TRPV2: variants seen among roughly 807,000 people sequenced by gnomAD.
The protein encoded by TRPV2 is OTRPC2.
TRPV2 carries 58 observed loss-of-function variants against 91.0 expected under a neutral mutation model. The observed-to-expected ratio is 0.64, with a 90% CI of 0.52 to 0.79. TRPV2 has a LOEUF of 0.79. Among genes scored for constraint, TRPV2 ranks in the 30% least tolerant of loss-of-function variants. The pLI, the probability that TRPV2 is intolerant of heterozygous loss-of-function variation, is 0.00. For missense variants in TRPV2, 807 were observed against 969.6 expected (o/e 0.83, Z 2.23); for synonymous variants, 417 against 414.8 (o/e 1.01, Z -0.06).
intron 7 of TRPV2, 118 bp from the exon 8 acceptor site, chr17:16,427,331 C>T (rs907922620): frequency 6.7e-6 from 6 of 891,136 alleles, no homozygotes; most frequent in African/African-American, 3.3e-5. Flanking sequence ...GTTCCCATGC[C>T]GTTCTGAGGA....
chr17:16,433,312 C>A, intron 12 of TRPV2: 1 of 421,726 alleles, frequency 2.4e-6, no homozygotes, highest in Admixed American at 3.9e-5. Flanking sequence ...GTCCAGTACT[C>A]ATAAGGTACA....
intron 1 of TRPV2, chr17:16,416,813 G>A (rs1282748939): frequency 6.6e-6 from 1 of 152,172 alleles, no homozygotes; most frequent in African/African-American, 2.4e-5. Context: ...CAAAATGAAG[G>A]GTTTGATAGT....
At chr17:16,421,103 T>C (rs1283980851) in intron 3 of TRPV2, among the ~76,000 whole-genome samples, 1 of 152,246 alleles carries the variant, frequency 6.6e-6, no homozygotes, top group Non-Finnish European at 1.5e-5. Flanking sequence ...CATCATTTAG[T>C]TAACCAATTC....
At chr17:16,416,910 T>G (rs898329352) in intron 1 of TRPV2, among the ~76,000 whole-genome samples, 2 of 152,168 alleles carry the variant, frequency 1.3e-5, no homozygotes, top group Non-Finnish European at 2.9e-5. Context: ...TCATCGCACT[T>G]TTATCTGTTG....
At chr17:16,428,486 C>T (rs904807916) in intron 9 of TRPV2, 99 bp downstream of exon 9, 6 of 1,299,210 alleles carry the variant, frequency 4.6e-6, no homozygotes, top group Admixed American at 1.7e-5. Flanking sequence ...GGCGAGGACA[C>T]GGGGCCCAGG....
intron 9 of TRPV2, 77 bp downstream of exon 9, chr17:16,428,464 G>T: frequency 1.3e-6 from 2 of 1,515,510 alleles, no homozygotes; most frequent in Non-Finnish European, 1.8e-6. Context: ...AAGGCACCAG[G>T]TTGGCTTTAG....
chr17:16,436,283 C>T (rs1262251935), intron 14 of TRPV2, among the ~76,000 whole-genome samples: 1 of 152,232 alleles, frequency 6.6e-6, no homozygotes, highest in Non-Finnish European at 1.5e-5. Flanking sequence ...CAATGCCTCC[C>T]ACTACCTGGA....
intron 12 of TRPV2, chr17:16,433,253 C>A (rs980076487): frequency 3.3e-5 from 9 of 272,950 alleles, no homozygotes; most frequent in Non-Finnish European, 6.4e-5. Flanking sequence ...AGTTCTGTTC[C>A]TGGTGGTGTG....
chr17:16,430,517 G>C (rs1244869769), intron 10 of TRPV2, among the ~76,000 whole-genome samples: 1 of 137,676 alleles, frequency 7.3e-6, no homozygotes, highest in East Asian at 2.1e-4. Context: ...ATGGAGTCTT[G>C]CTCTGTTGCC....
chr17:16,431,292 T>TATACA (rs1491493192), intron 10 of TRPV2, among the ~76,000 whole-genome samples: 3 of 16,294 alleles, frequency 1.8e-4, no homozygotes, highest in African/African-American at 1.0e-3. Context: ...TATATACATA[T>TATACA]TTTTTTTTTT....
chr17:16,432,189 G>A lies in TRPV2; in HGVS notation c.1878G>A (p.Leu626=). ...LHFRGMVLLL[L]LAYVLLTYIL... ...TCCGCGGCATGGTGCTGCTGCTGCTGCTGGCCTACGTGCTGCTCACCTACA... is the reference window on the plus strand; with the variant it reads ...TCCGCGGCATGGTGCTGCTGCTGCTACTGGCCTACGTGCTGCTCACCTACA... The change falls in exon 12 of 15, where the codon CTG becomes CTA. Residue 626 remains leucine (L), a synonymous_variant. Transcript: ENST00000338560. 1.2e-6 allele frequency: 2 copies of A among 1,614,228 alleles called. No individual in the cohort carries two copies. Among genetic ancestry groups the A allele is most frequent in the African/African-American group, 1.3e-5 (1 of 75,078 alleles).
chr17:16,419,794 T>C (rs4520872), intron 2 of TRPV2, among the ~76,000 whole-genome samples: 75,339 of 152,116 alleles, frequency 0.5, 21,942 homozygotes, highest in Non-Finnish European at 0.65. Context: ...GGGGACCCAG[T>C]GGGATATCGA....
rs774445598 is a variant in TRPV2, at chr17:16,432,060, C to G, written c.1749C>G (p.Asp583Glu). Residue 583 changes from aspartate to glutamate, a missense_variant, in exon 12 of 15, where the codon GAC becomes GAG. Coordinates refer to ENST00000338560, the MANE Select transcript of TRPV2 (RefSeq NM_016113.5). ...ESVQPMEGQEDEGNGAQYRGI... is the reference protein window; with the variant it reads ...ESVQPMEGQEEEGNGAQYRGI... Reference sequence around the variant, plus strand: ...TGCAGCCCATGGAGGGACAGGAGGACGAGGGCAACGGGGCCCAGTACAGGG... The same window carrying G: ...TGCAGCCCATGGAGGGACAGGAGGAGGAGGGCAACGGGGCCCAGTACAGGG... The G allele has an allele frequency of 1.9e-6, 3 of 1,613,850 alleles. No individual in the cohort carries two copies. The highest frequency in any genetic ancestry group is 8.5e-7 in the Non-Finnish European group (1 of 1,179,770).
rs577703799 is a variant in TRPV2, at chr17:16,426,306, C to T, written c.1095+37C>T. ...GGAGCATGGGTGCACGCAGAGGACCCAGCAGAGTTTCCAGCAAGGTCCACA... is the reference window on the plus strand; with the variant it reads ...GGAGCATGGGTGCACGCAGAGGACCTAGCAGAGTTTCCAGCAAGGTCCACA... On this transcript the variant is annotated intron_variant, in intron 6 of 14. Coordinates refer to ENST00000338560, the MANE Select transcript of TRPV2 (RefSeq NM_016113.5). This position sits in a 1 kb window ranked among gnomAD's most constrained non-coding sequence, Gnocchi z 6.0. 3 of 1,607,624 alleles carry T rather than the reference C, an allele frequency of 1.9e-6. No homozygotes were observed. The South Asian group carries it at 3.3e-5, about 18-fold the overall frequency.
At position 16,420,316 on chromosome 17, in the gene TRPV2, C is replaced by T. The variant is rs950785846; in HGVS notation, c.334+68C>T. The T allele has an allele frequency of 2.6e-6, 4 of 1,553,940 alleles. No individual in the cohort carries two copies. The African/African-American group carries it at 5.4e-5, about 21-fold the overall frequency. On this transcript the variant is annotated intron_variant, in intron 3 of 14. Transcript: ENST00000338560. ...CTGATAGTTAGGTGGGCTGTGTGGGCTTGATCCCTGGTCAGGAGCTGAGGA... is the reference window on the plus strand; with the variant it reads ...CTGATAGTTAGGTGGGCTGTGTGGGTTTGATCCCTGGTCAGGAGCTGAGGA...
In TRPV2 at chr17:16,426,152, A is replaced by G; in HGVS notation, c.978A>G (p.Arg326=). Residue 326 remains arginine (R), a synonymous_variant, in exon 6 of 15, where the codon CGA becomes CGG. Coordinates refer to ENST00000338560, the MANE Select transcript of TRPV2 (RefSeq NM_016113.5). The surrounding 1 kb of genome is among the most constrained non-coding windows in gnomAD (Gnocchi z 6.0). ...TTTCAGGACTGAGCCACCTTTCCCG[A>G]AAGTTCACCGAGTGGTGCTATGGGC... ...REFSGLSHLS[R]KFTEWCYGPV... 6.2e-7 allele frequency: 1 copy of G among 1,614,088 alleles called. No individual in the cohort carries two copies. Among genetic ancestry groups the G allele is most frequent in the South Asian group, 1.1e-5 (1 of 91,064 alleles).
rs34230763 is a variant in TRPV2, at chr17:16,435,153, C to T, written c.2194+184C>T. On this transcript the variant is annotated intron_variant, in intron 14 of 14. Coordinates refer to ENST00000338560, the MANE Select transcript of TRPV2 (RefSeq NM_016113.5). The surrounding 1 kb of genome is among the most constrained non-coding windows in gnomAD (Gnocchi z 4.2). ...AACAGTGGTTCCCTCCTTTCCTTTC[C>T]ACCCACACCTTGCTTTCAGGCAGGA... Among the ~76,000 whole-genome samples, 12,643 of 152,212 alleles carry T rather than the reference C, an allele frequency of 0.083. 751 individuals carry two copies. The highest frequency in any genetic ancestry group is 0.13 in the Non-Finnish European group (8,943 of 67,984).
In TRPV2 at chr17:16,423,731, G is replaced by A. The variant is rs752034765; in HGVS notation, c.888G>A (p.Thr296=). Residue 296 remains threonine (T), a synonymous_variant, in exon 5 of 15, where the codon ACG becomes ACA. Coordinates refer to ENST00000338560, the MANE Select transcript of TRPV2 (RefSeq NM_016113.5). ...ACATCCGCAACCTGCAGGATCTCACGCCTCTGAAGCTGGCCGCCAAGGAGG... is the reference window on the plus strand; with the variant it reads ...ACATCCGCAACCTGCAGGATCTCACACCTCTGAAGCTGGCCGCCAAGGAGG... The part of the protein sequence containing the change: ...LEDIRNLQDL[T]PLKLAAKEGK... 41 of 1,596,334 alleles carry A rather than the reference G, an allele frequency of 2.6e-5. No homozygotes were observed. The Middle Eastern group carries it at 6.6e-4, about 26-fold the overall frequency.
intron 3 of TRPV2, among the ~76,000 whole-genome samples, chr17:16,420,584 T>C (rs1425462855): frequency 6.6e-6 from 1 of 152,192 alleles, no homozygotes; most frequent in African/African-American, 2.4e-5. Context: ...GCACATACCA[T>C]ATACTTAACC....
Sources: gnomAD v4.1 joint callset for allele counts (sites outside exome capture counted in the v4.1 genomes callset) on GRCh38, gnomAD v4.1.1 for gene constraint, Gnocchi (gnomAD v3.1) non-coding constraint, MANE v1.5 for transcripts, NCBI Gene and HGNC (gene_info 2026-07-23, HGNC 2026-07-21) for gene names.